SHISA9: variants seen among roughly 807,000 people sequenced by gnomAD.
SHISA9 encodes the protein shisa family member 9.
Under a neutral mutation model 38.0 loss-of-function variants are expected in SHISA9, and 13 were observed. That is an observed-to-expected ratio of 0.34 (90% CI 0.22 to 0.54). The LOEUF (loss-of-function observed/expected upper bound fraction) is 0.54. SHISA9 is among the 20% of genes least tolerant of loss of function. The pLI is 0.91. For missense variants in SHISA9, 538 were observed against 575.8 expected (o/e 0.93, Z 0.67); for synonymous variants, 275 against 242.0 (o/e 1.14, Z -1.27).
At chr16:13,112,074 A>C (rs2073984100) in intron 2 of SHISA9, among the ~76,000 whole-genome samples, 1 of 152,146 alleles carries the variant, frequency 6.6e-6, no homozygotes, top group Non-Finnish European at 1.5e-5. Flanking sequence ...TTTCTATCTT[A>C]TGCCCAGGTG....
chr16:13,366,800 TG>T, the SHISA9 span, among the ~76,000 whole-genome samples: 1 of 152,116 alleles, frequency 6.6e-6, no homozygotes, highest in East Asian at 1.9e-4. Context: ...CTGGCCAACA[TG>T]GTGAAACCCC....
At chr16:13,517,276 TCCAAAAGGAACTACC>T in the SHISA9 span, among the ~76,000 whole-genome samples, 19 of 152,204 alleles carry the variant, frequency 1.2e-4, no homozygotes, top group African/African-American at 4.6e-4. Context: ...CTTCAGCGGG[TCCAAAAGGAACTACC>T]CTGAAGATAC....
At chr16:13,218,485 T>C (rs1207546329) in intron 4 of SHISA9, among the ~76,000 whole-genome samples, 1 of 152,228 alleles carries the variant, frequency 6.6e-6, no homozygotes, top group African/African-American at 2.4e-5. Flanking sequence ...AGTGGTGATT[T>C]GAGCTGGGGC....
At chr16:12,941,020 G>A (rs928916168) in intron 2 of SHISA9, among the ~76,000 whole-genome samples, 1 of 152,190 alleles carries the variant, frequency 6.6e-6, no homozygotes, top group Non-Finnish European at 1.5e-5. Context: ...TGGCACTTGA[G>A]TGAGGCACAC....
chr16:13,136,802 C>G (rs61340443), intron 2 of SHISA9, among the ~76,000 whole-genome samples: 8,089 of 152,138 alleles, frequency 0.053, 537 homozygotes, highest in African/African-American at 0.16. Flanking sequence ...ATTACGGCAG[C>G]CTTTTGTTCC....
chr16:13,440,647 G>T, the SHISA9 span, among the ~76,000 whole-genome samples: 1 of 152,204 alleles, frequency 6.6e-6, no homozygotes, highest in Non-Finnish European at 1.5e-5. Flanking sequence ...GGACATTGGT[G>T]GCCGGGTGCG....
At chr16:13,513,521 A>G in the SHISA9 span, among the ~76,000 whole-genome samples, 1 of 152,244 alleles carries the variant, frequency 6.6e-6, no homozygotes, top group Non-Finnish European at 1.5e-5. Context: ...ACTCTACTAT[A>G]AAGACATATG....
At chr16:13,367,438 G>A in the SHISA9 span, among the ~76,000 whole-genome samples, 681 of 151,114 alleles carry the variant, frequency 4.5e-3, 6 homozygotes, top group African/African-American at 0.016. Flanking sequence ...GTGAAAAGAC[G>A]GAAATATTAT....
chr16:13,091,246 T>G (rs2073771953), intron 2 of SHISA9, among the ~76,000 whole-genome samples: 1 of 152,192 alleles, frequency 6.6e-6, no homozygotes, highest in South Asian at 2.1e-4. Flanking sequence ...TTCCTTCATT[T>G]CAACCTTGGT....
At chr16:13,541,863 G>C in the SHISA9 span, among the ~76,000 whole-genome samples, 1 of 152,178 alleles carries the variant, frequency 6.6e-6, no homozygotes, top group Non-Finnish European at 1.5e-5. Flanking sequence ...TTCGACGTGA[G>C]GTCAGGACTT....
chr16:12,918,293 G>A (rs940590472), intron 2 of SHISA9, among the ~76,000 whole-genome samples: 15 of 152,158 alleles, frequency 9.9e-5, no homozygotes, highest in Admixed American at 9.8e-4. Context: ...TTCGCACTGG[G>A]AAATAAGTTG....
At chr16:13,338,863 T>C in the SHISA9 span, among the ~76,000 whole-genome samples, 3 of 152,158 alleles carry the variant, frequency 2.0e-5, no homozygotes, top group African/African-American at 7.2e-5. Flanking sequence ...TTTTCCTAAG[T>C]GTATTTGGGT....
intron 2 of SHISA9, among the ~76,000 whole-genome samples, chr16:13,013,360 T>C (rs1409742792): frequency 5.9e-5 from 9 of 152,106 alleles, no homozygotes; most frequent in African/African-American, 2.4e-5. Context: ...CTGTCCTGGC[T>C]TTAGAGGTGT....
At chr16:13,300,313 C>T in the SHISA9 span, among the ~76,000 whole-genome samples, 2 of 152,152 alleles carry the variant, frequency 1.3e-5, no homozygotes, top group Non-Finnish European at 2.9e-5. Context: ...GCCAGCTCCC[C>T]TGGAACGAGA....
At chr16:13,080,190 G>A (rs2073631727) in intron 2 of SHISA9, among the ~76,000 whole-genome samples, 1 of 152,092 alleles carries the variant, frequency 6.6e-6, no homozygotes, top group Admixed American at 6.6e-5. Flanking sequence ...TGGCTAACAT[G>A]GTGAAACCCC....
rs1304195653 is a variant in SHISA9 at position 13,236,364 on chromosome 16, A to G, written c.*955A>G. On this transcript the variant is annotated 3_prime_UTR_variant, in exon 5 of 5. Transcript: ENST00000558583. ...TTAACAACAACAAATCCACAGTTGG[A>G]AAAGTCCACAGGAGATCAGATGAGG... 1.3e-5 allele frequency: 2 copies of G among 151,252 alleles called. No individual in the cohort carries two copies. The highest frequency in any genetic ancestry group is 4.9e-5 in the African/African-American group (2 of 41,142). 9.4% of individuals were successfully genotyped at this position (151,252 alleles called of 1,614,324 possible).
At chr16:13,405,938 T>G in the SHISA9 span, among the ~76,000 whole-genome samples, 8 of 91,778 alleles carry the variant, frequency 8.7e-5, no homozygotes, top group Non-Finnish European at 1.8e-4. Flanking sequence ...AAAGAAATCA[T>G]GACAAAAAAA....
the SHISA9 span, among the ~76,000 whole-genome samples, chr16:13,561,325 ATTT>A: frequency 2.3e-3 from 355 of 152,252 alleles, 2 homozygotes; most frequent in African/African-American, 8.2e-3. Flanking sequence ...GGCACTCTGC[ATTT>A]CTTACATAAC....
intron 2 of SHISA9, among the ~76,000 whole-genome samples, chr16:13,013,894 A>AT (rs935438485): frequency 5.3e-5 from 8 of 151,730 alleles, no homozygotes; most frequent in African/African-American, 1.7e-4. Context: ...GGCCTGGCTA[A>AT]TTTTTTTTGT....
Sources: allele counts gnomAD v4.1 joint callset (sites outside exome capture counted in the v4.1 genomes callset), GRCh38; gene constraint gnomAD v4.1.1; transcripts MANE v1.5; gene names NCBI Gene and HGNC (gene_info 2026-07-23, HGNC 2026-07-21).